The following MED12L variants were observed in gnomAD, a reference collection of about 807,000 sequenced individuals.
MED12L encodes the protein mediator complex subunit 12L, also known as mediator of RNA polymerase II transcription subunit 12-like protein.
In MED12L, 60 loss-of-function variants were observed where a neutral mutation model predicts 281.3. That is an observed-to-expected ratio of 0.21 (90% CI 0.17 to 0.26). The LOEUF is 0.26. MED12L is among the 10% of genes least tolerant of loss of function. The pLI is 1.00. For synonymous variants in MED12L, 974 were observed against 987.2 expected, an observed-to-expected ratio of 0.99 and a Z score of 0.25; for missense variants, 2,146 against 2,680.9, an observed-to-expected ratio of 0.80 and a Z score of 4.41.
At chr3:151,419,727 A>G (rs1348378587) in intron 43 of MED12L, among the ~76,000 whole-genome samples, 1 of 152,232 alleles carries the variant, frequency 6.6e-6, no homozygotes, top group Non-Finnish European at 1.5e-5. Flanking sequence ...TACAGCTAAC[A>G]TAATACAACT....
intron 16 of MED12L, among the ~76,000 whole-genome samples, chr3:151,297,818 G>A (rs968113238): frequency 6.6e-6 from 1 of 152,048 alleles, no homozygotes; most frequent in African/African-American, 2.4e-5. Context: ...TATTATTAAA[G>A]ATAGTCTCCA....
chr3:151,265,522 A>G (rs1368050414), intron 16 of MED12L, among the ~76,000 whole-genome samples: 3 of 152,138 alleles, frequency 2.0e-5, no homozygotes, highest in Admixed American at 1.3e-4. Context: ...CACTGCCATC[A>G]TCCTCCCTAT....
chr3:151,435,831 A>T lies in MED12L; in HGVS notation c.*3027A>T, dbSNP rs985841111. On this transcript the variant is annotated 3_prime_UTR_variant, in exon 45 of 45. Transcript: ENST00000687756. ...TAAATACAGTGAAACTTCATTATAT[A>T]TAATAGACCTAGACCCTCCCAAGCA... The T allele has an allele frequency of 6.6e-6, 1 of 151,986 alleles. No individual in the cohort carries two copies. Among genetic ancestry groups the T allele is most frequent in the East Asian group, 1.9e-4 (1 of 5,170 alleles). 9.4% of individuals were successfully genotyped at this position (151,986 alleles called of 1,614,324 possible).
At chr3:151,394,399 T>G (rs1338231392) in intron 38 of MED12L, among the ~76,000 whole-genome samples, 3 of 152,242 alleles carry the variant, frequency 2.0e-5, no homozygotes, top group Non-Finnish European at 4.4e-5. Context: ...ACTGTATGTT[T>G]TACACATTTC....
chr3:151,385,849 G>T (rs1159851851), intron 36 of MED12L, among the ~76,000 whole-genome samples: 3 of 152,102 alleles, frequency 2.0e-5, no homozygotes, highest in Non-Finnish European at 2.9e-5. Context: ...ATTAAAGATG[G>T]TTCTCTAAAA....
At chr3:151,089,219 T>C (rs1294083089) in intron 2 of MED12L, among the ~76,000 whole-genome samples, 1 of 152,204 alleles carries the variant, frequency 6.6e-6, no homozygotes, top group African/African-American at 2.4e-5. Context: ...CATGTTTACA[T>C]ACTATTTTTA....
rs1375130110 is a variant in MED12L at position 151,332,525 on chromosome 3, A to G, written c.2251-17534A>G. 2.0e-5 allele frequency among the ~76,000 whole-genome samples: 3 copies of G among 152,214 alleles called. No individual in the cohort carries two copies. The East Asian group carries it at 5.8e-4, about 29-fold the overall frequency. Reference sequence around the variant, plus strand: ...TTCTGAGTAAGAACAATAGTAGAAAATATCTACATGTAGCTAGAGATAGGC... The same window carrying G: ...TTCTGAGTAAGAACAATAGTAGAAAGTATCTACATGTAGCTAGAGATAGGC... On this transcript the variant is annotated intron_variant, in intron 16 of 44. Coordinates refer to ENST00000687756, the MANE Select transcript of MED12L (RefSeq NM_001393769.1).
In MED12L at chr3:151,193,029, T is replaced by A. The variant is rs1353131680; in HGVS notation, c.2073+375T>A. 3.9e-5 allele frequency among the ~76,000 whole-genome samples: 6 copies of A among 152,186 alleles called. No homozygotes were observed. The East Asian group carries it at 1.2e-3, about 29-fold the overall frequency. ...GGGCCTATTATGCATTCTTCTACTT[T>A]ATTTCAATATAATTATAATGTGTTC... On this transcript the variant is annotated intron_variant, in intron 15 of 44. Coordinates refer to ENST00000687756, the MANE Select transcript of MED12L (RefSeq NM_001393769.1).
chr3:151,187,098 T>C (rs1723387603), intron 12 of MED12L, among the ~76,000 whole-genome samples: 1 of 152,226 alleles, frequency 6.6e-6, no homozygotes, highest in Non-Finnish European at 1.5e-5. Flanking sequence ...TTGTTGAAAC[T>C]GGGGCTTGAA....
intron 6 of MED12L, among the ~76,000 whole-genome samples, chr3:151,157,953 A>G (rs565530534): frequency 6.6e-6 from 1 of 152,310 alleles, no homozygotes; most frequent in African/African-American, 2.4e-5. Flanking sequence ...TATTAAATCT[A>G]TATGTGCATA....
chr3:151,273,176 A>G (rs866823707), intron 16 of MED12L, among the ~76,000 whole-genome samples: 7 of 147,902 alleles, frequency 4.7e-5, no homozygotes, highest in African/African-American at 1.5e-4. Context: ...ACACTATGTT[A>G]TTGGGAAAGA....
At chr3:151,216,932 T>C (rs1416454594) in intron 16 of MED12L, among the ~76,000 whole-genome samples, 4 of 152,174 alleles carry the variant, frequency 2.6e-5, no homozygotes, top group African/African-American at 9.6e-5. Flanking sequence ...GAATGCATGC[T>C]GCTGTATTCC....
intron 31 of MED12L, 133 bp from the exon 32 acceptor site, chr3:151,379,980 A>C: frequency 1.7e-6 from 1 of 571,816 alleles, no homozygotes. Flanking sequence ...GTATGATTTA[A>C]ATTTTCAAGC....
intron 16 of MED12L, among the ~76,000 whole-genome samples, chr3:151,250,123 T>G (rs547831892): frequency 6.6e-6 from 1 of 152,312 alleles, no homozygotes; most frequent in East Asian, 1.9e-4. Flanking sequence ...GTTTGCTGTC[T>G]CCACTTTCCC....
intron 16 of MED12L, among the ~76,000 whole-genome samples, chr3:151,321,061 G>A (rs987795245): frequency 6.6e-6 from 1 of 152,162 alleles, no homozygotes; most frequent in African/African-American, 2.4e-5. Context: ...GAAGGTGAAG[G>A]GAGAGCAAGC....
chr3:151,172,355 A>C (rs945425421), intron 11 of MED12L, among the ~76,000 whole-genome samples: 18 of 152,378 alleles, frequency 1.2e-4, no homozygotes, highest in African/African-American at 4.3e-4. Context: ...TGGGTACTTA[A>C]TAAACACTAG....
chr3:151,215,492 A>C (rs1728030494), intron 16 of MED12L, among the ~76,000 whole-genome samples: 1 of 152,212 alleles, frequency 6.6e-6, no homozygotes, highest in African/African-American at 2.4e-5. Flanking sequence ...GACTCTGGCT[A>C]CTAGGAAATT....
chr3:151,157,959 G>A (rs1719498791), intron 6 of MED12L, among the ~76,000 whole-genome samples: 1 of 152,126 alleles, frequency 6.6e-6, no homozygotes, highest in Admixed American at 6.5e-5. Context: ...ATCTATATGT[G>A]CATAGAATGT....
chr3:151,380,098 T>C lies in MED12L; in HGVS notation c.4479-15T>C. ...TTTCTAACTAGATCTGTTGTTATTA[T>C]TACTTCCTTTGTAGTATGTCTCTTT... On this transcript the variant is annotated splice_polypyrimidine_tract_variant and intron_variant, in intron 31 of 44. Transcript: ENST00000687756. 6.8e-7 allele frequency: 1 copy of C among 1,480,934 alleles called. No homozygotes were observed. Among genetic ancestry groups the C allele is most frequent in the Non-Finnish European group, 9.3e-7 (1 of 1,080,406 alleles). 91.7% of individuals were successfully genotyped at this position (1,480,934 alleles called of 1,614,324 possible).
Sources: allele counts gnomAD v4.1 joint callset (sites outside exome capture counted in the v4.1 genomes callset), GRCh38; gene constraint gnomAD v4.1.1; transcripts MANE v1.5; gene names NCBI Gene and HGNC (gene_info 2026-07-23, HGNC 2026-07-21).